Variants in CELF2 observed in about 807,000 individuals in gnomAD.
CELF2 encodes CUG triplet repeat RNA-binding protein 2.
CELF2 carries 8 observed loss-of-function variants against 62.6 expected under a neutral mutation model. The observed-to-expected ratio is 0.13, with a 90% CI of 0.07 to 0.23. The LOEUF (loss-of-function observed/expected upper bound fraction) is 0.23, where lower values mean the gene tolerates loss of function less well. Among genes scored for constraint, CELF2 ranks in the 10% least tolerant of loss-of-function variants. The pLI, the probability that CELF2 is intolerant of heterozygous loss-of-function variation, is 1.00. For missense variants in CELF2, 333 were observed against 671.0 expected, an observed-to-expected ratio of 0.50 and a Z score of 5.56; for synonymous variants, 258 against 250.0, an observed-to-expected ratio of 1.03 and a Z score of -0.30.
chr10:11,297,973 G>A lies in CELF2; in HGVS notation c.976+9421G>A, dbSNP rs1483473102. ...CTCCAGCCCAGGTGACAAGAGCAAG[G>A]CTCTATCTTAAAAAACAAAAGAACA... is the stretch of plus-strand genomic sequence containing the variant. On this transcript the variant is annotated intron_variant, in intron 9 of 12. Transcript: ENST00000633077. This position sits in a 1 kb window ranked among gnomAD's most constrained non-coding sequence, Gnocchi z 4.4. 6.6e-6 allele frequency among the ~76,000 whole-genome samples: 1 copy of A among 152,202 alleles called. No homozygotes were observed.
At chr10:11,060,063 T>G (rs1055751229) in intron 1 of CELF2, among the ~76,000 whole-genome samples, 2 of 152,224 alleles carry the variant, frequency 1.3e-5, no homozygotes, top group Non-Finnish European at 2.9e-5. Context: ...AAGAGAAGTC[T>G]AGTAAGAGAG....
chr10:10,542,650 T>C, the CELF2 span, among the ~76,000 whole-genome samples: 3 of 152,220 alleles, frequency 2.0e-5, no homozygotes, highest in Non-Finnish European at 4.4e-5. Context: ...GGTACTATAT[T>C]TGGCTTTCAC....
the CELF2 span, among the ~76,000 whole-genome samples, chr10:10,666,012 A>G: frequency 1.3e-5 from 2 of 152,338 alleles, no homozygotes; most frequent in South Asian, 4.1e-4. Flanking sequence ...AGCAGGCTTC[A>G]TCATTCTCAC....
chr10:10,464,775 T>TA, the CELF2 span, among the ~76,000 whole-genome samples: 3 of 152,204 alleles, frequency 2.0e-5, no homozygotes, highest in Non-Finnish European at 4.4e-5. Context: ...TTGCTGTAGT[T>TA]AAAATGATGC....
chr10:11,260,553 C>G lies in CELF2; in HGVS notation c.538+2681C>G, dbSNP rs2138024789. On this transcript the variant is annotated intron_variant, in intron 5 of 12. Coordinates refer to ENST00000633077, the MANE Select transcript of CELF2 (RefSeq NM_001326342.2). The surrounding 1 kb of genome is among the most constrained non-coding windows in gnomAD (Gnocchi z 4.2). ...AACCAGCACTTGACACCAGAAGCAG[C>G]CTGTTCCTGCAACAAGTGATGGGGA... 6.6e-6 allele frequency among the ~76,000 whole-genome samples: 1 copy of G among 152,230 alleles called. No individual in the cohort carries two copies. Among genetic ancestry groups the G allele is most frequent in the East Asian group, 1.9e-4 (1 of 5,188 alleles).
chr10:10,859,913 T>C (rs2059957445), intron 1 of CELF2, among the ~76,000 whole-genome samples: 1 of 152,204 alleles, frequency 6.6e-6, no homozygotes, highest in Non-Finnish European at 1.5e-5. Context: ...AATCTTCTTT[T>C]ACATTTTTTA....
the CELF2 span, among the ~76,000 whole-genome samples, chr10:10,650,068 T>G: frequency 1.3e-5 from 2 of 152,196 alleles, no homozygotes; most frequent in East Asian, 3.8e-4. Flanking sequence ...CAGGAAACGT[T>G]CAGACTATTT....
intron 9 of CELF2, among the ~76,000 whole-genome samples, chr10:11,313,358 ACAGAT>A (rs929368005): frequency 7.9e-5 from 12 of 152,230 alleles, no homozygotes; most frequent in African/African-American, 2.9e-4. Context: ...CCAGTAACTG[ACAGAT>A]CAGGCAGGCC....
Position 11,110,714 on chromosome 10 carries a change from T to C in CELF2, c.75-54772T>C, listed in dbSNP as rs78599017. 0.086 allele frequency among the ~76,000 whole-genome samples: 13,057 copies of C among 152,088 alleles called. 680 individuals carry two copies. Among genetic ancestry groups the C allele is most frequent in the African/African-American group, 0.14 (5,807 of 41,470 alleles). ...GGTCGTTGGCATTCTCAGCAGTGCA[T>C]CAACAAAGGCCCCTTTCTTCTGGAA... is the stretch of plus-strand genomic sequence containing the variant. On this transcript the variant is annotated intron_variant, in intron 1 of 12. Transcript: ENST00000633077. This position sits in a 1 kb window ranked among gnomAD's most constrained non-coding sequence, Gnocchi z 4.0.
Position 11,177,933 on chromosome 10 carries a change from C to G in CELF2, c.271+12251C>G, listed in dbSNP as rs2071821881. ...GAAGCCAGTATGTCCTGGTGGTGGC[C>G]TTAGAAGACAGCCCCTGTGAGGCTC... On this transcript the variant is annotated intron_variant, in intron 2 of 12. Transcript: ENST00000633077. This position sits in a 1 kb window ranked among gnomAD's most constrained non-coding sequence, Gnocchi z 4.8. Among the ~76,000 whole-genome samples, 1 of 152,174 alleles carries G rather than the reference C, an allele frequency of 6.6e-6. No homozygotes were observed. Among genetic ancestry groups the G allele is most frequent in the Non-Finnish European group, 1.5e-5 (1 of 68,030 alleles).
chr10:11,052,835 A>C (rs2064224884), intron 1 of CELF2, among the ~76,000 whole-genome samples: 1 of 152,200 alleles, frequency 6.6e-6, no homozygotes, highest in African/African-American at 2.4e-5. Flanking sequence ...GGATTCAGGC[A>C]CTGGAACCAG....
At chr10:10,586,415 C>T in the CELF2 span, among the ~76,000 whole-genome samples, 3 of 152,224 alleles carry the variant, frequency 2.0e-5, no homozygotes, top group South Asian at 2.1e-4. Flanking sequence ...TTTGCATTTG[C>T]GTGCTCTTCT....
the CELF2 span, among the ~76,000 whole-genome samples, chr10:10,709,308 GA>G: frequency 6.6e-6 from 1 of 152,188 alleles, no homozygotes; most frequent in East Asian, 1.9e-4. Context: ...AGAGAATGGG[GA>G]CTTCTTTCAA....
chr10:11,269,621 G>T lies in CELF2; in HGVS notation c.619-1045G>T, dbSNP rs2083162090. Among the ~76,000 whole-genome samples the T allele has an allele frequency of 6.6e-6, 1 of 152,202 alleles. No homozygotes were observed. The highest frequency in any genetic ancestry group is 6.5e-5 in the Admixed American group (1 of 15,278). ...TCAGCAAAATTGAACAGCTTTAATT[G>T]TGATGAAACGTGTAGGCAAGCCACA... On this transcript the variant is annotated intron_variant, in intron 6 of 12. Transcript: ENST00000633077. The surrounding 1 kb of genome is among the most constrained non-coding windows in gnomAD (Gnocchi z 4.4).
At chr10:10,496,837 T>A in the CELF2 span, among the ~76,000 whole-genome samples, 4 of 150,824 alleles carry the variant, frequency 2.7e-5, no homozygotes, top group Non-Finnish European at 4.4e-5. Flanking sequence ...GGAGGGAGGG[T>A]CAATAATGAA....
chr10:10,679,514 T>G, the CELF2 span, among the ~76,000 whole-genome samples: 1 of 152,122 alleles, frequency 6.6e-6, no homozygotes, highest in African/African-American at 2.4e-5. Flanking sequence ...GGTCTCAAAC[T>G]CCTGACCTCA....
the CELF2 span, among the ~76,000 whole-genome samples, chr10:10,689,843 C>A: frequency 2.0e-5 from 3 of 152,334 alleles, no homozygotes; most frequent in South Asian, 6.2e-4. Context: ...AATTCTATAT[C>A]TATACATAAC....
Position 11,334,478 on chromosome 10 carries a change from G to A in CELF2, c.*5425G>A, listed in dbSNP as rs937455241. ...CTATGTTGTGTAAAAAGATACAGTC[G>A]ATTCCACTTAAGTGAATATCTGATT... On this transcript the variant is annotated 3_prime_UTR_variant, in exon 13 of 13. Transcript: ENST00000633077. 1.3e-5 allele frequency: 2 copies of A among 152,582 alleles called. No homozygotes were observed. The highest frequency in any genetic ancestry group is 4.8e-5 in the African/African-American group (2 of 41,424). 9.5% of individuals were successfully genotyped at this position (152,582 alleles called of 1,614,324 possible).
At chr10:10,466,911 A>G in the CELF2 span, among the ~76,000 whole-genome samples, 1 of 151,990 alleles carries the variant, frequency 6.6e-6, no homozygotes, top group Non-Finnish European at 1.5e-5. Context: ...ATTGAGTTGT[A>G]GGAGTTATTT....
Sources: allele counts gnomAD v4.1 joint callset (sites outside exome capture counted in the v4.1 genomes callset), GRCh38; gene constraint gnomAD v4.1.1; non-coding constraint Gnocchi (gnomAD v3.1); transcripts MANE v1.5; gene names NCBI Gene and HGNC (gene_info 2026-07-23, HGNC 2026-07-21).